The following FTCDNL1 variants were observed in gnomAD, a reference collection of about 807,000 sequenced individuals.
FTCDNL1 encodes formiminotransferase cyclodeaminase N-terminal like, also known as formiminotransferase N-terminal subdomain-containing protein.
FTCDNL1 carries 11 observed loss-of-function variants against 5.9 expected under a neutral mutation model. The observed-to-expected ratio is 1.87, with a 90% confidence interval of 1.18 to 3.10. The LOEUF (loss-of-function observed/expected upper bound fraction) is 3.10. FTCDNL1 is among the 30% of genes most tolerant of loss of function. FTCDNL1 has a pLI of 0.00. For synonymous variants in FTCDNL1, 58 were observed against 24.8 expected (o/e 2.34, Z -3.99); for missense variants, 115 against 65.5 (o/e 1.76, Z -2.61).
chr2:199,793,173 G>GATATACT, intron 3 of FTCDNL1, among the ~76,000 whole-genome samples: 1 of 152,114 alleles, frequency 6.6e-6, no homozygotes, highest in Non-Finnish European at 1.5e-5. Context: ...CTGCCTGCAA[G>GATATACT]TATCTTTATA....
At chr2:199,784,196 C>T (rs958157257) in intron 3 of FTCDNL1, among the ~76,000 whole-genome samples, 2 of 152,258 alleles carry the variant, frequency 1.3e-5, no homozygotes, top group African/African-American at 4.8e-5. Flanking sequence ...TGATTATCCC[C>T]AAACTTGTCT....
intron 3 of FTCDNL1, among the ~76,000 whole-genome samples, chr2:199,775,403 GC>G (rs1201506240): frequency 2.0e-5 from 3 of 152,206 alleles, no homozygotes; most frequent in Non-Finnish European, 4.4e-5. Flanking sequence ...AGGCAAGGAG[GC>G]TGGCCTTTGT....
the FTCDNL1 span, among the ~76,000 whole-genome samples, chr2:199,686,126 T>G: frequency 6.6e-6 from 1 of 152,210 alleles, no homozygotes; most frequent in Non-Finnish European, 1.5e-5. Flanking sequence ...GTGGGCTATC[T>G]CCGCTGTTCA....
the FTCDNL1 span, among the ~76,000 whole-genome samples, chr2:199,747,793 C>T: frequency 7.9e-5 from 12 of 152,160 alleles, no homozygotes; most frequent in African/African-American, 2.9e-4. Flanking sequence ...GCACAGTCTG[C>T]TTTGCCAGAA....
At chr2:199,786,335 T>G (rs1477245907) in intron 3 of FTCDNL1, among the ~76,000 whole-genome samples, 1 of 151,786 alleles carries the variant, frequency 6.6e-6, no homozygotes, top group Non-Finnish European at 1.5e-5. Context: ...TTTATATATA[T>G]ATATTGGGGA....
chr2:199,837,854 A>G (rs1702862801), intron 3 of FTCDNL1, among the ~76,000 whole-genome samples: 1 of 152,198 alleles, frequency 6.6e-6, no homozygotes, highest in Non-Finnish European at 1.5e-5. Context: ...GGCATTGTGC[A>G]AACATTCATT....
intron 4 of FTCDNL1, among the ~76,000 whole-genome samples, chr2:199,813,622 T>C (rs1277477351): frequency 1.3e-5 from 2 of 152,110 alleles, no homozygotes; most frequent in East Asian, 3.9e-4. Context: ...ATTAAATACT[T>C]TGTTACCAGG....
the FTCDNL1 span, among the ~76,000 whole-genome samples, chr2:199,748,496 C>T: frequency 1.3e-5 from 2 of 152,160 alleles, no homozygotes; most frequent in South Asian, 2.1e-4. Context: ...CACCTCTTTC[C>T]TTATCCCTGT....
chr2:199,758,992 C>T (rs1487693169), downstream of FTCDNL1, among the ~76,000 whole-genome samples: 2 of 152,046 alleles, frequency 1.3e-5, no homozygotes, highest in African/African-American at 2.4e-5. Flanking sequence ...CAGAAAAACA[C>T]TGAAGAACAA....
At chr2:199,729,019 A>G in the FTCDNL1 span, among the ~76,000 whole-genome samples, 2 of 152,324 alleles carry the variant, frequency 1.3e-5, no homozygotes, top group Admixed American at 6.5e-5. Context: ...ATATGGGTCG[A>G]CTATACAATA....
At chr2:199,798,318 G>A (rs961247328) in intron 3 of FTCDNL1, among the ~76,000 whole-genome samples, 3 of 152,180 alleles carry the variant, frequency 2.0e-5, no homozygotes, top group Non-Finnish European at 4.4e-5. Flanking sequence ...GAATTACCAA[G>A]TGGAATAAAA....
chr2:199,777,502 T>A (rs1313604377), intron 3 of FTCDNL1, among the ~76,000 whole-genome samples: 2 of 152,146 alleles, frequency 1.3e-5, no homozygotes, highest in Non-Finnish European at 2.9e-5. Flanking sequence ...TTCAACTGAT[T>A]GGATGAGGCC....
intron 3 of FTCDNL1, among the ~76,000 whole-genome samples, chr2:199,764,486 T>G (rs1346833480): frequency 6.6e-6 from 1 of 152,216 alleles, no homozygotes; most frequent in African/African-American, 2.4e-5. Flanking sequence ...GTGCTAATAT[T>G]CGTGATTCAG....
chr2:199,754,483 A>G, the FTCDNL1 span, among the ~76,000 whole-genome samples: 1 of 152,148 alleles, frequency 6.6e-6, no homozygotes, highest in African/African-American at 2.4e-5. Context: ...GGAGGCCACC[A>G]TTTAACACCA....
chr2:199,839,800 TATTTCTAACC>T (rs1255134634), intron 3 of FTCDNL1, among the ~76,000 whole-genome samples: 1 of 152,202 alleles, frequency 6.6e-6, no homozygotes, highest in African/African-American at 2.4e-5. Flanking sequence ...AAATTAAAGT[TATTTCTAACC>T]TGGAATTCTA....
the FTCDNL1 span, among the ~76,000 whole-genome samples, chr2:199,724,190 C>T: frequency 6.6e-6 from 1 of 152,150 alleles, no homozygotes; most frequent in African/African-American, 2.4e-5. Flanking sequence ...TTATAGTATT[C>T]TCTGACGGTT....
chr2:199,775,610 C>A (rs147107743), intron 3 of FTCDNL1, among the ~76,000 whole-genome samples: 2 of 152,202 alleles, frequency 1.3e-5, no homozygotes, highest in Non-Finnish European at 2.9e-5. Flanking sequence ...CAGATATCCA[C>A]GCTCATGTGC....
At chr2:199,787,070 A>T (rs1183869393) in intron 3 of FTCDNL1, among the ~76,000 whole-genome samples, 1 of 152,112 alleles carries the variant, frequency 6.6e-6, no homozygotes, top group Non-Finnish European at 1.5e-5. Context: ...GACCTCCTTT[A>T]CTGTCTCCCT....
chr2:199,712,706 C>T, the FTCDNL1 span, among the ~76,000 whole-genome samples: 1 of 152,168 alleles, frequency 6.6e-6, no homozygotes, highest in Non-Finnish European at 1.5e-5. Context: ...TTGCCTATTC[C>T]CAGCTGCTGG....
Sources: gnomAD v4.1 joint callset for allele counts (sites outside exome capture counted in the v4.1 genomes callset) on GRCh38, gnomAD v4.1.1 for gene constraint, MANE v1.5 for transcripts, NCBI Gene and HGNC (gene_info 2026-07-23, HGNC 2026-07-21) for gene names.